SYT1: variants seen among roughly 807,000 people sequenced by gnomAD.
The protein encoded by SYT1 is synaptotagmin-1.
A neutral mutation model predicts 44.8 loss-of-function variants in SYT1; 8 were observed. The ratio of observed to expected loss-of-function variants is 0.18; its 90% CI spans 0.10 to 0.32. The LOEUF (loss-of-function observed/expected upper bound fraction) is 0.32, where lower values mean the gene tolerates loss of function less well. Ranked by LOEUF, SYT1 falls within the 10% of genes least tolerant of loss-of-function variation. The pLI, the probability that SYT1 is intolerant of heterozygous loss-of-function variation, is 1.00. For synonymous variants in SYT1, 154 were observed against 188.8 expected, an observed-to-expected ratio of 0.82 and a Z score of 1.51; for missense variants, 286 against 509.3, an observed-to-expected ratio of 0.56 and a Z score of 4.22.
chr12:79,061,113 A>G (rs962478107), intron 3 of SYT1, among the ~76,000 whole-genome samples: 1 of 152,100 alleles, frequency 6.6e-6, no homozygotes, highest in Non-Finnish European at 1.5e-5. Flanking sequence ...TAAGAATGCA[A>G]ATTTATAGCC....
intron 4 of SYT1, among the ~76,000 whole-genome samples, chr12:79,222,269 T>C (rs915797622): frequency 1.3e-5 from 2 of 152,102 alleles, no homozygotes; most frequent in Admixed American, 6.5e-5. Context: ...TGTCTTGGGG[T>C]AGTCTTATTT....
chr12:79,047,291 T>C lies in SYT1; in HGVS notation c.-83-6T>C, dbSNP rs1297849015. 1 of 151,776 alleles carries C rather than the reference T, an allele frequency of 6.6e-6. No homozygotes were observed. Among genetic ancestry groups the C allele is most frequent in the Non-Finnish European group, 1.5e-5 (1 of 67,752 alleles). The allele number at this position is 151,776 out of a possible 1,614,324, so 9.4% of individuals were successfully genotyped here. ...GTAACCTCTGTATATATTGTTTTCCTTTTAGAAAAACAGAATAATTCTGAA... is the reference window on the plus strand; with the variant it reads ...GTAACCTCTGTATATATTGTTTTCCCTTTAGAAAAACAGAATAATTCTGAA... On this transcript the variant is annotated splice_region_variant and splice_polypyrimidine_tract_variant and intron_variant, in intron 2 of 10. Coordinates refer to ENST00000261205, the MANE Select transcript of SYT1 (RefSeq NM_005639.3).
chr12:78,951,259 A>G (rs998467076), intron 1 of SYT1, among the ~76,000 whole-genome samples: 21 of 152,218 alleles, frequency 1.4e-4, no homozygotes, highest in African/African-American at 5.1e-4. Context: ...ACGTCAGTCT[A>G]TTATGGGATC....
chr12:78,947,270 G>A (rs1161338658), intron 1 of SYT1, among the ~76,000 whole-genome samples: 4 of 152,112 alleles, frequency 2.6e-5, no homozygotes, highest in African/African-American at 7.2e-5. Context: ...AAATGATAGA[G>A]AGGAAAAATG....
intron 4 of SYT1, among the ~76,000 whole-genome samples, chr12:79,272,853 G>C (rs998526565): frequency 2.0e-5 from 3 of 152,096 alleles, no homozygotes; most frequent in Admixed American, 2.0e-4. Context: ...AAAAGCAGAA[G>C]AAAATTTTAA....
At chr12:78,988,325 A>G (rs1038992222) in intron 2 of SYT1, among the ~76,000 whole-genome samples, 1 of 150,378 alleles carries the variant, frequency 6.6e-6, no homozygotes, top group African/African-American at 2.4e-5. Context: ...TTATCTTTAT[A>G]TCAATAAATC....
In SYT1 at chr12:79,117,696, T is replaced by A. The variant is rs1321804678; in HGVS notation, c.-18+70334T>A. On this transcript the variant is annotated intron_variant, in intron 3 of 10. Transcript: ENST00000261205. ...ATATATATATATATATATATATATA[T>A]ATATATATATATATATATAAAATAA... is the stretch of plus-strand genomic sequence containing the variant. Among the ~76,000 whole-genome samples the A allele has an allele frequency of 4.7e-4, 41 of 86,704 alleles. 1 individual carries two copies. The highest frequency in any genetic ancestry group is 1.8e-3 in the African/African-American group (40 of 22,762). 56.9% of individuals were successfully genotyped at this position (86,704 alleles called of 152,430 possible). A position where few individuals can be genotyped will look rare whatever the true frequency, so the allele number is the denominator to read the frequency against.
In SYT1 at chr12:78,911,900, C is replaced by A. The variant is rs191887736; in HGVS notation, c.-217+46791C>A. Among the ~76,000 whole-genome samples, 4 of 152,098 alleles carry A rather than the reference C, an allele frequency of 2.6e-5. No homozygotes were observed. The East Asian group carries it at 7.8e-4, about 30-fold the overall frequency. Reference sequence around the variant, plus strand: ...TGGGACTACCTACTTTGTTAAATTACTAAATGTGATGAATATTTGTTGACA... The same window carrying A: ...TGGGACTACCTACTTTGTTAAATTAATAAATGTGATGAATATTTGTTGACA... On this transcript the variant is annotated intron_variant, in intron 1 of 10. Coordinates refer to ENST00000261205, the MANE Select transcript of SYT1 (RefSeq NM_005639.3).
Position 79,299,568 on chromosome 12 carries a change from C to A in SYT1, c.810+17C>A, listed in dbSNP as rs781529799. ...AAGGAAGAGGTAAGGGAATTACTAG[C>A]ATTTCTAACATCACAAGCTGTACTC... is the stretch of plus-strand genomic sequence containing the variant. On this transcript the variant is annotated intron_variant, in intron 8 of 10. Transcript: ENST00000261205. 5.0e-6 allele frequency: 8 copies of A among 1,608,892 alleles called. No individual in the cohort carries two copies. The South Asian group carries it at 8.9e-5, about 18-fold the overall frequency.
Position 79,009,315 on chromosome 12 carries a change from T to TTG in SYT1, c.-84+31386_-84+31387dup, listed in dbSNP as rs1204118410. ...GCCCTCTGGTTTTTGTTTGTTTGTTTTGTTTTGTTTTTGAATTCCAATTAT... is the reference window on the plus strand; with the variant it reads ...GCCCTCTGGTTTTTGTTTGTTTGTTTTGTGTTTTGTTTTTGAATTCCAATTAT... On this transcript the variant is annotated intron_variant, in intron 2 of 10. Coordinates refer to ENST00000261205, the MANE Select transcript of SYT1 (RefSeq NM_005639.3). 5.9e-5 allele frequency among the ~76,000 whole-genome samples: 9 copies of TTG among 152,256 alleles called. No individual in the cohort carries two copies. In the South Asian group the frequency reaches 1.9e-3, roughly 32 times the overall value.
chr12:79,401,831 G>A (rs1223834775), intron 9 of SYT1, among the ~76,000 whole-genome samples: 11 of 151,838 alleles, frequency 7.2e-5, no homozygotes, highest in Non-Finnish European at 1.3e-4. Flanking sequence ...CACCATGTCC[G>A]GCTAATTATT....
intron 9 of SYT1, among the ~76,000 whole-genome samples, chr12:79,440,909 A>G (rs1043899840): frequency 1.8e-4 from 28 of 152,342 alleles, no homozygotes; most frequent in African/African-American, 6.5e-4. Context: ...GAACAAGCTA[A>G]GCAAGAGATT....
At chr12:79,334,440 AG>A (rs1275354267) in intron 8 of SYT1, among the ~76,000 whole-genome samples, 1 of 152,116 alleles carries the variant, frequency 6.6e-6, no homozygotes, top group Admixed American at 6.6e-5. Flanking sequence ...AGAAAGAAGA[AG>A]GGCCAAACTT....
chr12:78,918,988 G>A (rs546709105), intron 1 of SYT1, among the ~76,000 whole-genome samples: 25 of 152,080 alleles, frequency 1.6e-4, no homozygotes, highest in African/African-American at 6.0e-4. Context: ...TCAAGATGTG[G>A]AGACAGGACA....
chr12:79,317,483 T>C (rs1881147558), intron 8 of SYT1, among the ~76,000 whole-genome samples: 1 of 152,174 alleles, frequency 6.6e-6, no homozygotes, highest in Non-Finnish European at 1.5e-5. Flanking sequence ...AAGTACTCAC[T>C]GGGGCGCCTT....
intron 8 of SYT1, among the ~76,000 whole-genome samples, chr12:79,305,051 C>G (rs1003976717): frequency 5.9e-5 from 9 of 152,000 alleles, no homozygotes; most frequent in Non-Finnish European, 1.2e-4. Context: ...TAAATGTTAT[C>G]CACTTCGTGA....
At chr12:79,072,871 C>T (rs1321689506) in intron 3 of SYT1, among the ~76,000 whole-genome samples, 1 of 151,954 alleles carries the variant, frequency 6.6e-6, no homozygotes, top group Non-Finnish European at 1.5e-5. Context: ...AAGTCTCTGC[C>T]CTCAAATAGG....
At chr12:79,023,121 G>A (rs987473774) in intron 2 of SYT1, among the ~76,000 whole-genome samples, 10 of 151,790 alleles carry the variant, frequency 6.6e-5, no homozygotes, top group Admixed American at 5.3e-4. Flanking sequence ...AAAGATGGGT[G>A]ATAAAACTTG....
intron 8 of SYT1, among the ~76,000 whole-genome samples, chr12:79,311,092 C>T (rs1880760415): frequency 6.6e-6 from 1 of 152,176 alleles, no homozygotes; most frequent in Non-Finnish European, 1.5e-5. Context: ...TGTCTTGTGC[C>T]AGTTTTCAAA....
Sources: allele counts gnomAD v4.1 joint callset (sites outside exome capture counted in the v4.1 genomes callset), GRCh38; gene constraint gnomAD v4.1.1; transcripts MANE v1.5; gene names NCBI Gene and HGNC (gene_info 2026-07-23, HGNC 2026-07-21).